PDE10A: variants seen among roughly 807,000 people sequenced by gnomAD.
PDE10A encodes the protein cAMP and cAMP-inhibited cGMP 3',5'-cyclic phosphodiesterase 10A.
PDE10A carries 39 observed loss-of-function variants against 97.7 expected under a neutral mutation model. The observed-to-expected ratio is 0.40, with a 90% CI of 0.31 to 0.52. PDE10A has a LOEUF of 0.52. PDE10A is among the 20% of genes least tolerant of loss of function. PDE10A has a pLI of 0.56. For missense variants in PDE10A, 731 were observed against 1,047.8 expected (o/e 0.70, Z 4.17); for synonymous variants, 371 against 376.8 (o/e 0.98, Z 0.18).
intron 1 of PDE10A, among the ~76,000 whole-genome samples, chr6:165,765,811 C>A (rs1158274580): frequency 6.6e-6 from 1 of 152,224 alleles, no homozygotes; most frequent in African/African-American, 2.4e-5. Context: ...CCAGAGTGAG[C>A]GAGGGCTCTG....
At chr6:165,982,998 G>A (rs771067773) in intron 1 of PDE10A, among the ~76,000 whole-genome samples, 1 of 151,976 alleles carries the variant, frequency 6.6e-6, no homozygotes, top group Non-Finnish European at 1.5e-5. Flanking sequence ...CATCAGTATA[G>A]ACTGCACACA....
chr6:165,867,511 G>A (rs1343690571), intron 1 of PDE10A, among the ~76,000 whole-genome samples: 1 of 152,028 alleles, frequency 6.6e-6, no homozygotes, highest in Non-Finnish European at 1.5e-5. Flanking sequence ...CCCAACACCA[G>A]AGTACCCTGA....
chr6:165,777,548 G>A (rs1331040175), intron 1 of PDE10A, among the ~76,000 whole-genome samples: 2 of 152,166 alleles, frequency 1.3e-5, no homozygotes, highest in African/African-American at 4.8e-5. Context: ...GTTATCCTAA[G>A]CAAGATGGTC....
intron 5 of PDE10A, among the ~76,000 whole-genome samples, chr6:165,438,572 T>C (rs1296945776): frequency 6.6e-6 from 1 of 152,210 alleles, no homozygotes; most frequent in Non-Finnish European, 1.5e-5. Flanking sequence ...TTTTAATTAT[T>C]ATAAAAGGTT....
At chr6:165,377,105 AT>A (rs1435053401) in intron 18 of PDE10A, among the ~76,000 whole-genome samples, 2 of 152,156 alleles carry the variant, frequency 1.3e-5, no homozygotes, top group African/African-American at 2.4e-5. Flanking sequence ...TAAGGTGTGT[AT>A]TTTTTAGGCA....
chr6:165,516,952 G>C (rs1484403040), intron 2 of PDE10A, among the ~76,000 whole-genome samples: 2 of 151,892 alleles, frequency 1.3e-5, no homozygotes, highest in East Asian at 3.9e-4. Context: ...TTACTATAAA[G>C]AACTATATTT....
intron 18 of PDE10A, among the ~76,000 whole-genome samples, chr6:165,358,630 T>G (rs1783189194): frequency 6.6e-6 from 1 of 151,940 alleles, no homozygotes; most frequent in African/African-American, 2.4e-5. Flanking sequence ...ATTTAGCTGG[T>G]CTGATCATTT....
chr6:165,725,757 C>T (rs1355643744), intron 1 of PDE10A, among the ~76,000 whole-genome samples: 2 of 152,168 alleles, frequency 1.3e-5, no homozygotes, highest in Non-Finnish European at 2.9e-5. Context: ...CCTCCCTTTC[C>T]ATTATCCCCC....
chr6:165,657,566 G>A (rs2128429057), intron 1 of PDE10A, among the ~76,000 whole-genome samples: 1 of 152,280 alleles, frequency 6.6e-6, no homozygotes, highest in Non-Finnish European at 1.5e-5. Flanking sequence ...CCTAATATTT[G>A]CTTGACTGAC....
chr6:165,820,446 C>T (rs371344253), intron 1 of PDE10A, among the ~76,000 whole-genome samples: 42 of 152,276 alleles, frequency 2.8e-4, no homozygotes, highest in Middle Eastern at 6.8e-3. Context: ...TATTTTGATT[C>T]CAATAAATGA....
intron 5 of PDE10A, among the ~76,000 whole-genome samples, chr6:165,440,496 G>A (rs1010423852): frequency 2.0e-5 from 3 of 152,126 alleles, no homozygotes; most frequent in East Asian, 1.9e-4. Flanking sequence ...GTTGTATTAC[G>A]GTGGAAAGAG....
At chr6:165,608,963 T>C (rs1050773754) in intron 1 of PDE10A, among the ~76,000 whole-genome samples, 1 of 152,114 alleles carries the variant, frequency 6.6e-6, no homozygotes, top group Non-Finnish European at 1.5e-5. Flanking sequence ...GGGGTTGTTT[T>C]TTTCTTGTAA....
At chr6:165,952,650 C>T (rs978759696) in intron 1 of PDE10A, among the ~76,000 whole-genome samples, 1 of 152,196 alleles carries the variant, frequency 6.6e-6, no homozygotes, top group African/African-American at 2.4e-5. Flanking sequence ...ACCTCTTCAA[C>T]TCCCCGCCTG....
chr6:165,647,464 G>T (rs969111903), intron 1 of PDE10A, among the ~76,000 whole-genome samples: 2 of 152,132 alleles, frequency 1.3e-5, no homozygotes, highest in Non-Finnish European at 2.9e-5. Flanking sequence ...AATGGGGAAT[G>T]GGACTACAAT....
chr6:165,754,186 A>G (rs56246598), intron 1 of PDE10A: 21,455 of 152,172 alleles, frequency 0.14, 2,343 homozygotes, highest in African/African-American at 0.3. Flanking sequence ...ATATTTACTA[A>G]CCTGTCTTTC....
intron 2 of PDE10A, among the ~76,000 whole-genome samples, chr6:165,485,589 G>A (rs1583384113): frequency 6.7e-6 from 1 of 150,326 alleles, no homozygotes; most frequent in Non-Finnish European, 1.5e-5. Context: ...TACACTGACA[G>A]CATCCTTTTT....
upstream of PDE10A, among the ~76,000 whole-genome samples, chr6:165,666,305 A>C (rs763349434): frequency 6.6e-6 from 1 of 152,230 alleles, no homozygotes; most frequent in Non-Finnish European, 1.5e-5. Flanking sequence ...TTCTTTATGA[A>C]TATATAAAAG....
At chr6:165,908,743 T>A (rs1487799340) in intron 1 of PDE10A, 2 of 152,230 alleles carry the variant, frequency 1.3e-5, no homozygotes, top group Non-Finnish European at 2.9e-5. Flanking sequence ...GAATAGGATG[T>A]GTCTTTTCAC....
chr6:165,890,475 CTGAG>C (rs35476329), intron 1 of PDE10A, among the ~76,000 whole-genome samples: 8,603 of 152,204 alleles, frequency 0.057, 356 homozygotes, highest in South Asian at 0.13. Flanking sequence ...TTTTGTCCTC[CTGAG>C]TATGTGTGGA....
Sources: allele counts gnomAD v4.1 joint callset (sites outside exome capture counted in the v4.1 genomes callset), GRCh38; gene constraint gnomAD v4.1.1; transcripts MANE v1.5; gene names NCBI Gene and HGNC (gene_info 2026-07-23, HGNC 2026-07-21).